Variants in POU6F2 observed in about 807,000 individuals in gnomAD.
The protein encoded by POU6F2 is POU domain, class 6, transcription factor 2.
Under a neutral mutation model 71.3 loss-of-function variants are expected in POU6F2, and 31 were observed. The ratio of observed to expected loss-of-function variants is 0.43; its 90% CI spans 0.33 to 0.59. The LOEUF is 0.59. POU6F2 is among the 20% of genes least tolerant of loss of function. The probability of loss-of-function intolerance (pLI) is 0.04; values close to 1 mark genes in which losing one functional copy is unlikely to be tolerated. For missense variants in POU6F2, 783 were observed against 856.8 expected, an observed-to-expected ratio of 0.91 and a Z score of 1.07; for synonymous variants, 347 against 355.7, an observed-to-expected ratio of 0.98 and a Z score of 0.27.
At chr7:39,014,188 T>C (rs1789410643) in intron 1 of POU6F2, among the ~76,000 whole-genome samples, 1 of 152,182 alleles carries the variant, frequency 6.6e-6, no homozygotes. Context: ...TTTGAGTAGT[T>C]ACTTAAAAGC....
At chr7:39,259,785 G>A (rs1784095808) in intron 4 of POU6F2, among the ~76,000 whole-genome samples, 1 of 152,038 alleles carries the variant, frequency 6.6e-6, no homozygotes, top group African/African-American at 2.4e-5. Flanking sequence ...CGGGAAATCT[G>A]TGGGCTGCTC....
chr7:39,147,237 A>G (rs1380837676), intron 2 of POU6F2, among the ~76,000 whole-genome samples: 1 of 152,214 alleles, frequency 6.6e-6, no homozygotes, highest in Non-Finnish European at 1.5e-5. Flanking sequence ...GGTGTTTGCC[A>G]CACTTTTAAT....
At chr7:39,152,710 A>T (rs1792787686) in intron 2 of POU6F2, among the ~76,000 whole-genome samples, 1 of 152,156 alleles carries the variant, frequency 6.6e-6, no homozygotes, top group Non-Finnish European at 1.5e-5. Flanking sequence ...CACACTCAGG[A>T]CACTTTAATT....
At chr7:39,071,216 C>T (rs537551711) in intron 1 of POU6F2, among the ~76,000 whole-genome samples, 36 of 152,186 alleles carry the variant, frequency 2.4e-4, no homozygotes, top group Middle Eastern at 3.4e-3. Flanking sequence ...GATCATCAGG[C>T]ATTAGATTCT....
chr7:39,397,274 G>C (rs1787191744), intron 5 of POU6F2, among the ~76,000 whole-genome samples: 1 of 151,366 alleles, frequency 6.6e-6, no homozygotes, highest in South Asian at 2.1e-4. Flanking sequence ...GATGTGTGAG[G>C]CTCTGGCCAG....
chr7:39,122,122 C>T (rs910701485), intron 2 of POU6F2, among the ~76,000 whole-genome samples: 1 of 152,208 alleles, frequency 6.6e-6, no homozygotes, highest in African/African-American at 2.4e-5. Context: ...TTAAACCTAT[C>T]TTTTGGCAAA....
chr7:39,070,292 CT>C (rs949380561), intron 1 of POU6F2, among the ~76,000 whole-genome samples: 1 of 152,028 alleles, frequency 6.6e-6, no homozygotes, highest in African/African-American at 2.4e-5. Context: ...AGAATAACAG[CT>C]TTTTTATGGC....
intron 2 of POU6F2, among the ~76,000 whole-genome samples, chr7:39,115,582 A>T (rs1791911682): frequency 6.6e-6 from 1 of 152,152 alleles, no homozygotes; most frequent in Non-Finnish European, 1.5e-5. Context: ...ATTACATGGA[A>T]ATCTTAGAAG....
At chr7:39,252,438 G>A (rs999559900) in intron 4 of POU6F2, among the ~76,000 whole-genome samples, 21 of 124,600 alleles carry the variant, frequency 1.7e-4, no homozygotes, top group Non-Finnish European at 2.6e-4. Context: ...ACACACACAC[G>A]GAATCCTGAG....
intron 4 of POU6F2, among the ~76,000 whole-genome samples, chr7:39,228,462 C>T (rs1234274254): frequency 6.6e-6 from 1 of 152,200 alleles, no homozygotes; most frequent in Non-Finnish European, 1.5e-5. Context: ...GCTGATGTAG[C>T]ATTTAAGCAA....
At chr7:39,085,789 G>GA in intron 1 of POU6F2, 71 bp from the exon 2 acceptor site, 1 of 1,455,778 alleles carries the variant, frequency 6.9e-7, no homozygotes, top group Non-Finnish European at 9.5e-7. Context: ...GAGGGAGAGG[G>GA]AGAGAGAGGA....
rs888619737 is a variant in POU6F2, at chr7:39,236,254, G to T, written c.598+28634G>T. ...TTGAGGTACAGAAATATTAATGGAT[G>T]CATTCAAGGTTAAACACAGTGATGA... On this transcript the variant is annotated intron_variant, in intron 4 of 9. Transcript: ENST00000518318. 2.0e-5 allele frequency among the ~76,000 whole-genome samples: 3 copies of T among 152,122 alleles called. 1 individual carries two copies. The highest frequency in any genetic ancestry group is 7.2e-5 in the African/African-American group (3 of 41,422).
intron 1 of POU6F2, among the ~76,000 whole-genome samples, chr7:39,028,643 G>T (rs1274181759): frequency 6.6e-6 from 1 of 151,860 alleles, no homozygotes; most frequent in African/African-American, 2.4e-5. Context: ...ACACCTGTAT[G>T]CTATTAAGCG....
intron 1 of POU6F2, among the ~76,000 whole-genome samples, chr7:38,985,912 A>G (rs1032296903): frequency 6.6e-6 from 1 of 152,258 alleles, no homozygotes; most frequent in South Asian, 2.1e-4. Flanking sequence ...TTAATCCTCA[A>G]TTCAAGAACT....
intron 1 of POU6F2, among the ~76,000 whole-genome samples, chr7:39,056,011 T>C (rs1009383471): frequency 6.7e-6 from 1 of 149,622 alleles, no homozygotes; most frequent in Admixed American, 6.7e-5. Context: ...CTTTAATCTT[T>C]AAAAAAAAAA....
chr7:39,442,336 A>C (rs371252281), intron 7 of POU6F2, among the ~76,000 whole-genome samples: 2 of 152,218 alleles, frequency 1.3e-5, no homozygotes, highest in African/African-American at 4.8e-5. Flanking sequence ...CATGAGGTAG[A>C]AGTGAAGGGA....
chr7:39,016,000 A>ATATAT (rs1491125912), intron 1 of POU6F2, among the ~76,000 whole-genome samples: 10,375 of 56,522 alleles, frequency 0.18, 2,518 homozygotes, highest in South Asian at 0.36. Context: ...TAATATATAG[A>ATATAT]TATATATTAT....
intron 4 of POU6F2, among the ~76,000 whole-genome samples, chr7:39,293,991 A>G (rs4072718): frequency 0.46 from 69,465 of 151,876 alleles, 16,711 homozygotes; most frequent in Admixed American, 0.59. Flanking sequence ...GAAAAAGGAA[A>G]AAAAGTAAGT....
chr7:39,397,659 A>C (rs572604076), intron 5 of POU6F2, among the ~76,000 whole-genome samples: 83 of 148,502 alleles, frequency 5.6e-4, no homozygotes, highest in African/African-American at 2.0e-3. Context: ...CACCCAGCTA[A>C]ATTTTGTATT....
Sources: gnomAD v4.1 joint callset for allele counts (sites outside exome capture counted in the v4.1 genomes callset) on GRCh38, gnomAD v4.1.1 for gene constraint, MANE v1.5 for transcripts, NCBI Gene and HGNC (gene_info 2026-07-23, HGNC 2026-07-21) for gene names.